Variants in KCNC2 observed in about 807,000 individuals in gnomAD.
The protein encoded by KCNC2 is voltage-gated potassium channel KCNC2.
In KCNC2, 21 loss-of-function variants were observed where a neutral mutation model predicts 44.5. The observed-to-expected ratio is 0.47, with a 90% CI of 0.33 to 0.68. The LOEUF is 0.68. Among genes scored for constraint, KCNC2 ranks in the 30% least tolerant of loss-of-function variants. The pLI, the probability that KCNC2 is intolerant of heterozygous loss-of-function variation, is 0.01. For missense variants in KCNC2, 589 were observed against 826.2 expected (o/e 0.71, Z 3.52); for synonymous variants, 391 against 339.1 (o/e 1.15, Z -1.68).
chr12:75,111,639 A>G (rs1887254177), intron 2 of KCNC2, among the ~76,000 whole-genome samples: 2 of 152,008 alleles, frequency 1.3e-5, no homozygotes, highest in Non-Finnish European at 2.9e-5. Context: ...GAAAATTGCC[A>G]AGTTTTGACA....
At chr12:75,062,821 AGCTTGCACAGT>A (rs143426705) in intron 2 of KCNC2, among the ~76,000 whole-genome samples, 24,464 of 151,950 alleles carry the variant, frequency 0.16, 2,151 homozygotes, top group Middle Eastern at 0.24. Flanking sequence ...TATTCTCTTG[AGCTTGCACAGT>A]GCTGACTTAG....
At chr12:75,048,584 T>C (rs1880808090) in intron 3 of KCNC2, among the ~76,000 whole-genome samples, 2 of 152,144 alleles carry the variant, frequency 1.3e-5, no homozygotes, top group East Asian at 1.9e-4. Flanking sequence ...TTCACACGAC[T>C]AATATGAATT....
At chr12:75,165,539 T>G (rs578003729) in intron 2 of KCNC2, among the ~76,000 whole-genome samples, 191 of 151,614 alleles carry the variant, frequency 1.3e-3, no homozygotes, top group African/African-American at 4.5e-3. Context: ...TCTTATTTAA[T>G]AAGTTATTTT....
rs928132650 is a variant in KCNC2 at position 75,198,092 on chromosome 12, C to A, written c.687+9205G>T. 2.6e-5 allele frequency among the ~76,000 whole-genome samples: 4 copies of A among 151,850 alleles called. No homozygotes were observed. The East Asian group carries it at 7.7e-4, about 29-fold the overall frequency. On this transcript the variant is annotated intron_variant, in intron 2 of 4. Transcript: ENST00000549446. ...AGACAATCCTGCTTTTGCATCAAGT[C>A]TAATCATTTTTTAATGTCACTAAAG...
intron 2 of KCNC2, among the ~76,000 whole-genome samples, chr12:75,182,353 T>C (rs546020218): frequency 6.6e-6 from 1 of 151,070 alleles, no homozygotes; most frequent in African/African-American, 2.4e-5. Flanking sequence ...TGAAACCCCA[T>C]CTCTACTAAA....
At chr12:75,160,011 C>A (rs1891015654) in intron 2 of KCNC2, among the ~76,000 whole-genome samples, 2 of 151,918 alleles carry the variant, frequency 1.3e-5, no homozygotes, top group South Asian at 4.1e-4. Context: ...AAATGATAAA[C>A]ACTTTTAGTT....
At chr12:75,100,644 T>C (rs1314455508) in intron 2 of KCNC2, among the ~76,000 whole-genome samples, 2 of 152,084 alleles carry the variant, frequency 1.3e-5, no homozygotes, top group Non-Finnish European at 2.9e-5. Flanking sequence ...AAATTGTTTT[T>C]AACTTCATGT....
At chr12:75,082,957 T>C (rs559937134) in intron 2 of KCNC2, among the ~76,000 whole-genome samples, 2 of 151,458 alleles carry the variant, frequency 1.3e-5, no homozygotes, top group African/African-American at 4.8e-5. Flanking sequence ...AACTTGGAGA[T>C]TTAAAATAGA....
chr12:75,164,273 T>C (rs541832409), intron 2 of KCNC2, among the ~76,000 whole-genome samples: 1 of 151,822 alleles, frequency 6.6e-6, no homozygotes, highest in Admixed American at 6.6e-5. Flanking sequence ...CCATGTTCAC[T>C]CTGCCAGCCT....
At chr12:75,148,829 G>GT (rs1890200779) in intron 2 of KCNC2, among the ~76,000 whole-genome samples, 4 of 151,852 alleles carry the variant, frequency 2.6e-5, no homozygotes, top group South Asian at 4.1e-4. Context: ...ATTCAGTTTT[G>GT]TTTATTTTGT....
At chr12:75,127,224 T>C (rs2137318289) in intron 2 of KCNC2, among the ~76,000 whole-genome samples, 1 of 152,250 alleles carries the variant, frequency 6.6e-6, no homozygotes, top group Middle Eastern at 3.4e-3. Flanking sequence ...ACGGTGCTAG[T>C]TGAAAATGTA....
chr12:75,145,001 C>T (rs919062814), intron 2 of KCNC2, among the ~76,000 whole-genome samples: 1 of 152,112 alleles, frequency 6.6e-6, no homozygotes, highest in African/African-American at 2.4e-5. Context: ...ATGTGATTCT[C>T]ACAAATCCAT....
intron 2 of KCNC2, among the ~76,000 whole-genome samples, chr12:75,097,993 T>C (rs1332908856): frequency 6.6e-6 from 1 of 152,112 alleles, no homozygotes; most frequent in Non-Finnish European, 1.5e-5. Context: ...CTTCTCTCTA[T>C]GAGAACTCTG....
At chr12:75,182,315 G>A (rs1486397571) in intron 2 of KCNC2, among the ~76,000 whole-genome samples, 1 of 149,454 alleles carries the variant, frequency 6.7e-6, no homozygotes, top group Non-Finnish European at 1.5e-5. Flanking sequence ...ACAAGATCAG[G>A]AGATGGAGAC....
intron 2 of KCNC2, among the ~76,000 whole-genome samples, chr12:75,116,973 A>G (rs745821253): frequency 6.6e-6 from 1 of 152,124 alleles, no homozygotes; most frequent in Non-Finnish European, 1.5e-5. Context: ...TTCCCTTACA[A>G]TTGTTCTTCC....
rs76758161 is a variant in KCNC2 at position 75,118,532 on chromosome 12, C to T, written c.688-67215G>A. Among the ~76,000 whole-genome samples, 441 of 151,980 alleles carry T rather than the reference C, an allele frequency of 2.9e-3. 3 individuals carry two copies. Among genetic ancestry groups the T allele is most frequent in the African/African-American group, 9.5e-3 (395 of 41,446 alleles). ...CATTACAAGCAGAAGAAAGTCAAAG[C>T]TCAAGACCTGAAGCATGCTGGCAAA... is the stretch of plus-strand genomic sequence containing the variant. On this transcript the variant is annotated intron_variant, in intron 2 of 4. Coordinates refer to ENST00000549446, the MANE Select transcript of KCNC2 (RefSeq NM_139137.4).
chr12:75,103,039 G>A (rs1886499761), intron 2 of KCNC2, among the ~76,000 whole-genome samples: 1 of 152,096 alleles, frequency 6.6e-6, no homozygotes, highest in Non-Finnish European at 1.5e-5. Flanking sequence ...ACAAACAGAA[G>A]ATGTTAAGAG....
intron 2 of KCNC2, among the ~76,000 whole-genome samples, chr12:75,196,918 G>A (rs778840761): frequency 4.6e-5 from 7 of 151,996 alleles, no homozygotes; most frequent in Non-Finnish European, 1.0e-4. Flanking sequence ...TTCTAATACT[G>A]GTCTAAGCTT....
At chr12:75,116,807 G>A (rs79717261) in intron 2 of KCNC2, among the ~76,000 whole-genome samples, 2,650 of 151,960 alleles carry the variant, frequency 0.017, 70 homozygotes, top group African/African-American at 0.06. Flanking sequence ...CTCCTCCCCC[G>A]GGCCAACACA....
Sources: gnomAD v4.1 joint callset for allele counts (sites outside exome capture counted in the v4.1 genomes callset) on GRCh38, gnomAD v4.1.1 for gene constraint, MANE v1.5 for transcripts, NCBI Gene and HGNC (gene_info 2026-07-23, HGNC 2026-07-21) for gene names.